Variants in SPAG9 observed in about 807,000 individuals in gnomAD.
SPAG9 encodes the protein C-Jun-amino-terminal kinase-interacting protein 4.
Under a neutral mutation model 166.5 loss-of-function variants are expected in SPAG9, and 35 were observed. The ratio of observed to expected loss-of-function variants is 0.21; its 90% CI spans 0.16 to 0.28. The LOEUF is 0.28. SPAG9 is among the 10% of genes least tolerant of loss of function. The pLI, the probability that SPAG9 is intolerant of heterozygous loss-of-function variation, is 1.00. For synonymous variants in SPAG9, 534 were observed against 565.5 expected, an observed-to-expected ratio of 0.94 and a Z score of 0.79; for missense variants, 1,235 against 1,603.3, an observed-to-expected ratio of 0.77 and a Z score of 3.92.
At chr17:51,075,384 TG>T (rs1018070091) in intron 2 of SPAG9, among the ~76,000 whole-genome samples, 7 of 152,092 alleles carry the variant, frequency 4.6e-5, no homozygotes, top group Non-Finnish European at 1.0e-4. Context: ...CAGTATCTTC[TG>T]CTTCTTTTTT....
chr17:50,967,668 T>C (rs947932563), intron 29 of SPAG9, among the ~76,000 whole-genome samples: 2 of 152,232 alleles, frequency 1.3e-5, no homozygotes, highest in Non-Finnish European at 2.9e-5. Context: ...AAGATTTTAC[T>C]TGTAAGAAAA....
rs1458476450 is a variant in SPAG9, at chr17:51,079,719, C to G, written c.304-15G>C. On this transcript the variant is annotated splice_polypyrimidine_tract_variant and intron_variant, in intron 1 of 29. Coordinates refer to ENST00000262013, the MANE Select transcript of SPAG9 (RefSeq NM_001130528.3). The stretch of plus-strand genomic sequence containing the variant: ...TCAATGAATTTCTAATAAAGAAGAA[C>G]AATATAAATTTAATCAGAGAAATTA... 2.7e-6 allele frequency: 4 copies of G among 1,478,804 alleles called. No individual in the cohort carries two copies. Among genetic ancestry groups the G allele is most frequent in the Non-Finnish European group, 3.7e-6 (4 of 1,073,266 alleles). 91.6% of individuals were successfully genotyped at this position (1,478,804 alleles called of 1,614,324 possible).
intron 1 of SPAG9, among the ~76,000 whole-genome samples, chr17:51,101,456 C>T (rs373765091): frequency 1.6e-3 from 236 of 150,878 alleles, no homozygotes; most frequent in African/African-American, 5.6e-3. Flanking sequence ...TGATGCCTGG[C>T]AAAAAATAAA....
At chr17:51,000,755 GAATAAATAAATA>G (rs71149335) in intron 13 of SPAG9, among the ~76,000 whole-genome samples, 18 of 89,332 alleles carry the variant, frequency 2.0e-4, no homozygotes, top group Non-Finnish European at 2.6e-4. Context: ...ATAAATGAAT[GAATAAATAAATA>G]AATAAATAAA....
intron 1 of SPAG9, among the ~76,000 whole-genome samples, chr17:51,082,396 A>AC (rs2048190526): frequency 6.6e-6 from 1 of 151,234 alleles, no homozygotes; most frequent in African/African-American, 2.4e-5. Flanking sequence ...AAAAAAAAAA[A>AC]AAAAAAAACC....
intron 26 of SPAG9, among the ~76,000 whole-genome samples, chr17:50,977,630 C>T (rs755235786): frequency 7.2e-5 from 11 of 152,124 alleles, no homozygotes; most frequent in South Asian, 2.1e-4. Context: ...TGGCAGGGCA[C>T]GGTGGCTCAC....
intron 10 of SPAG9, among the ~76,000 whole-genome samples, chr17:51,006,645 T>C (rs542778608): frequency 6.6e-6 from 1 of 152,348 alleles, no homozygotes; most frequent in South Asian, 2.1e-4. Context: ...AAAACCCTGA[T>C]ATCCAGTTCC....
chr17:51,021,508 G>C (rs2045935475), intron 6 of SPAG9, 143 bp from the exon 7 acceptor site: 3 of 616,286 alleles, frequency 4.9e-6, no homozygotes, highest in Non-Finnish European at 8.3e-6. Flanking sequence ...CTGATTACCG[G>C]TAAGTACTCT....
At chr17:50,986,519 C>G (rs536310619) in intron 22 of SPAG9, among the ~76,000 whole-genome samples, 5 of 152,298 alleles carry the variant, frequency 3.3e-5, no homozygotes, top group African/African-American at 1.2e-4. Context: ...CTGCCAGCAT[C>G]ATAACAGTGG....
chr17:51,021,141 G>C lies in SPAG9; in HGVS notation c.991+17C>G, dbSNP rs140999977. 420 of 1,594,838 alleles carry C rather than the reference G, an allele frequency of 2.6e-4. 1 individual carries two copies. In the African/African-American group the frequency reaches 4.9e-3, roughly 19 times the overall value. ...ACTGAATACTTTCCTAGTAAGTAAA[G>C]AACTAGGGTCACTCACCAGTAGATA... is the stretch of plus-strand genomic sequence containing the variant. On this transcript the variant is annotated intron_variant, in intron 7 of 29. Transcript: ENST00000262013.
At chr17:51,004,443 A>G (rs77710755) in intron 12 of SPAG9, among the ~76,000 whole-genome samples, 2,000 of 152,338 alleles carry the variant, frequency 0.013, 18 homozygotes, top group South Asian at 0.035. Flanking sequence ...ATTTGTTATA[A>G]GAATGATTAT....
chr17:51,066,407 A>G (rs1223593938), intron 2 of SPAG9, among the ~76,000 whole-genome samples: 1 of 151,918 alleles, frequency 6.6e-6, no homozygotes, highest in Non-Finnish European at 1.5e-5. Flanking sequence ...CATTGCCTCC[A>G]GTCCCCATTA....
chr17:50,985,542 CA>C (rs148479565), intron 23 of SPAG9, among the ~76,000 whole-genome samples, 155 bp downstream of exon 23: 6,559 of 152,284 alleles, frequency 0.043, 203 homozygotes, highest in Non-Finnish European at 0.064. Context: ...GTTTCATTCT[CA>C]CTTAACTTCT....
At chr17:50,975,196 C>A in intron 27 of SPAG9, 1 of 376,800 alleles carries the variant, frequency 2.7e-6, no homozygotes, top group Non-Finnish European at 4.7e-6. Context: ...ATTTTTTAAA[C>A]ACATCTATTC....
chr17:51,012,456 G>A (rs927942337), intron 9 of SPAG9, among the ~76,000 whole-genome samples: 2 of 151,732 alleles, frequency 1.3e-5, no homozygotes, highest in African/African-American at 4.8e-5. Context: ...TTTAGTCCCA[G>A]CTACTCGGGA....
intron 15 of SPAG9, 115 bp from the exon 16 acceptor site, chr17:50,996,809 C>A: frequency 9.8e-7 from 1 of 1,016,914 alleles, no homozygotes; most frequent in South Asian, 1.6e-5. Context: ...TACATGATTT[C>A]AAATTAGTTT....
chr17:51,091,185 G>A (rs1223734261), intron 1 of SPAG9, among the ~76,000 whole-genome samples: 1 of 150,302 alleles, frequency 6.7e-6, no homozygotes, highest in Non-Finnish European at 1.5e-5. Flanking sequence ...GGTGGGAGGG[G>A]ATCACCAAGC....
In SPAG9 at chr17:50,990,518, T is replaced by C. The variant is rs1975453884; in HGVS notation, c.2549A>G (p.Glu850Gly). The change falls in exon 20 of 30, where the codon GAA (glutamate) becomes GGA (glycine). Residue 850 changes from glutamate (E) to glycine (G), a missense_variant. Around this residue, in one of 6 missense-constraint regions of SPAG9, gnomAD observed 493 missense variants for 559.4 expected, o/e 0.88. Transcript: ENST00000262013. ...GGAAGTGGCAGCTCCCGTCACACCT[T>C]CTGCAGAACAACCAACCACTGTGAT... is the stretch of plus-strand genomic sequence containing the variant. ...GGITVVGCSA[E>G]GVTGAATSPS... is the part of the protein sequence containing the mutation. The C allele has an allele frequency of 2.5e-6, 4 of 1,614,228 alleles. No homozygotes were observed. In the South Asian group the frequency reaches 4.4e-5, roughly 18 times the overall value.
intron 6 of SPAG9, 99 bp from the exon 7 acceptor site, chr17:51,021,464 T>A (rs1014247434): frequency 1.0e-6 from 1 of 993,526 alleles, no homozygotes; most frequent in Admixed American, 2.9e-5. Flanking sequence ...GAAAGTTCTA[T>A]TTTTTTTTCC....
Sources: gnomAD v4.1 joint callset for allele counts (sites outside exome capture counted in the v4.1 genomes callset) on GRCh38, gnomAD v4.1.1 for gene constraint, gnomAD v4.1.1 regional missense constraint, MANE v1.5 for transcripts, NCBI Gene and HGNC (gene_info 2026-07-23, HGNC 2026-07-21) for gene names.